Variants in AKAP8L observed in about 807,000 individuals in gnomAD.
The protein encoded by AKAP8L is A-kinase anchoring protein 8 like, also known as A-kinase anchor protein 8-like.
AKAP8L carries 34 observed loss-of-function variants against 77.5 expected under a neutral mutation model. The observed-to-expected ratio is 0.44, with a 90% CI of 0.33 to 0.58. The LOEUF is 0.58. Among genes scored for constraint, AKAP8L ranks in the 20% least tolerant of loss-of-function variants. The probability of loss-of-function intolerance (pLI) is 0.02; values close to 1 mark genes in which losing one functional copy is unlikely to be tolerated. For synonymous variants in AKAP8L, 342 were observed against 340.7 expected (o/e 1.00, Z -0.04); for missense variants, 806 against 887.6 (o/e 0.91, Z 1.17).
intron 8 of AKAP8L, 187 bp downstream of exon 8, chr19:15,400,108 G>A: frequency 1.6e-6 from 1 of 625,410 alleles, no homozygotes; most frequent in Non-Finnish European, 2.8e-6. Context: ...CGCCTGGGAA[G>A]GAGGAGGAAG....
chr19:15,415,296 C>T (rs543945268), intron 1 of AKAP8L, among the ~76,000 whole-genome samples: 1 of 152,142 alleles, frequency 6.6e-6, no homozygotes, highest in Non-Finnish European at 1.5e-5. Context: ...GGCATGGTGG[C>T]ATGCACATGT....
At position 15,380,176 on chromosome 19, in the gene AKAP8L, G is replaced by A. The variant is rs1360135351; in HGVS notation, c.1887C>T (p.Gly629=). 3 of 1,505,530 alleles carry A rather than the reference G, an allele frequency of 2.0e-6. No homozygotes were observed. Among genetic ancestry groups the A allele is most frequent in the African/African-American group, 2.9e-5 (2 of 68,932 alleles). The allele number at this position is 1,505,530 out of a possible 1,614,324, so 93.3% of individuals were successfully genotyped here. The part of the protein sequence containing the change: ...LGGALQRQIR[G]IPGLDVEDDE... ...CGTCCTCCACGTCGAGGCCCGGGATGCCGCGGATCTGGCGTTGCAGCGCCC... is the reference window on the plus strand; with the variant it reads ...CGTCCTCCACGTCGAGGCCCGGGATACCGCGGATCTGGCGTTGCAGCGCCC... The change falls in exon 14 of 14, where the codon GGC becomes GGT. Residue 629 remains glycine (G), a synonymous_variant. Transcript: ENST00000397410.
intron 12 of AKAP8L, among the ~76,000 whole-genome samples, chr19:15,394,906 T>C (rs1418777920): frequency 6.6e-6 from 1 of 152,054 alleles, no homozygotes; most frequent in Non-Finnish European, 1.5e-5. Flanking sequence ...CTTCTAAATA[T>C]CTTTCATCAT....
Position 15,397,407 on chromosome 19 carries a change from G to A in AKAP8L, c.1405+113C>T. The A allele has an allele frequency of 6.7e-7, 1 of 1,492,502 alleles. No individual in the cohort carries two copies. The highest frequency in any genetic ancestry group is 9.2e-7 in the Non-Finnish European group (1 of 1,087,796). The allele number at this position is 1,492,502 out of a possible 1,614,324, so 92.5% of individuals were successfully genotyped here. A position where few individuals can be genotyped will look rare whatever the true frequency, so the allele number is the denominator to read the frequency against. On this transcript the variant is annotated intron_variant, in intron 11 of 13. Transcript: ENST00000397410. The surrounding 1 kb of genome is among the most constrained non-coding windows in gnomAD (Gnocchi z 4.7). ...CACTTCCACCTGGGCCTGAGCCAAG[G>A]CTGGTCTCCTGACCTTCCCTGGGGG... is the stretch of plus-strand genomic sequence containing the variant.
chr19:15,418,775 GC>G (rs774264298), intron 1 of AKAP8L, 135 bp downstream of exon 1: 9 of 833,490 alleles, frequency 1.1e-5, no homozygotes, highest in Non-Finnish European at 1.1e-5. Context: ...GAGGCGACGG[GC>G]CAGCGGCGCC....
intron 12 of AKAP8L, among the ~76,000 whole-genome samples, chr19:15,392,935 C>CTA (rs1281754170): frequency 8.6e-6 from 1 of 116,598 alleles, no homozygotes; most frequent in African/African-American, 3.3e-5. Flanking sequence ...ACAAAGCTTA[C>CTA]ACCCTGAAAA....
intron 2 of AKAP8L, among the ~76,000 whole-genome samples, chr19:15,407,018 A>G (rs1968014523): frequency 6.6e-6 from 1 of 152,062 alleles, no homozygotes; most frequent in Non-Finnish European, 1.5e-5. Flanking sequence ...TCCTTTTGGG[A>G]AGTGGGGCAG....
intron 2 of AKAP8L, among the ~76,000 whole-genome samples, chr19:15,407,301 C>G (rs1361214014): frequency 6.6e-6 from 1 of 152,050 alleles, no homozygotes; most frequent in Non-Finnish European, 1.5e-5. Context: ...TTCTATCCAC[C>G]TATAAATTAT....
At chr19:15,385,088 C>T (rs1347413552) in intron 12 of AKAP8L, among the ~76,000 whole-genome samples, 1 of 152,168 alleles carries the variant, frequency 6.6e-6, no homozygotes, top group African/African-American at 2.4e-5. Flanking sequence ...CGCCATTCTC[C>T]TGCCTCAGCC....
At chr19:15,391,473 A>G (rs1967658829) in intron 12 of AKAP8L, among the ~76,000 whole-genome samples, 1 of 149,782 alleles carries the variant, frequency 6.7e-6, no homozygotes, top group African/African-American at 2.4e-5. Context: ...AAAAAAAAAA[A>G]AAAAAAAATC....
chr19:15,400,218 C>T, intron 8 of AKAP8L, 77 bp downstream of exon 8: 1 of 1,492,442 alleles, frequency 6.7e-7, no homozygotes. Flanking sequence ...TGCCGCAACC[C>T]TGCCCTCAGC....
At chr19:15,418,630 G>A (rs974837319) in intron 1 of AKAP8L, among the ~76,000 whole-genome samples, 5 of 152,250 alleles carry the variant, frequency 3.3e-5, no homozygotes, top group Non-Finnish European at 7.3e-5. Context: ...AGGTGGTGGG[G>A]GCGGAGACCT....
chr19:15,400,765 A>G (rs767200012), intron 7 of AKAP8L, 29 bp downstream of exon 7: 4 of 1,613,490 alleles, frequency 2.5e-6, no homozygotes, highest in Middle Eastern at 1.7e-4. Flanking sequence ...CTGCCTGCAG[A>G]CAGAAAATGC....
In AKAP8L at chr19:15,401,050, C is replaced by G; in HGVS notation, c.817-7G>C. The G allele has an allele frequency of 1.1e-5, 18 of 1,612,106 alleles. No homozygotes were observed. The highest frequency in any genetic ancestry group is 1.5e-5 in the Non-Finnish European group (18 of 1,179,878). Reference sequence around the variant, plus strand: ...TTCTCTTCTTCTTCTTGGTCTGGGTCATAAGGGGGGGAAGCCGTGTCAGGG... The same window carrying G: ...TTCTCTTCTTCTTCTTGGTCTGGGTGATAAGGGGGGGAAGCCGTGTCAGGG... On this transcript the variant is annotated splice_region_variant and splice_polypyrimidine_tract_variant and intron_variant, in intron 5 of 13. Coordinates refer to ENST00000397410, the MANE Select transcript of AKAP8L (RefSeq NM_014371.4). This position sits in a 1 kb window ranked among gnomAD's most constrained non-coding sequence, Gnocchi z 6.2.
intron 12 of AKAP8L, among the ~76,000 whole-genome samples, chr19:15,389,989 AT>A (rs199860832): frequency 6.0e-5 from 9 of 151,086 alleles, no homozygotes; most frequent in Non-Finnish European, 8.9e-5. Flanking sequence ...GTCTCTATTT[AT>A]TTTTTTTTAA....
chr19:15,386,816 G>A (rs1047796445), intron 12 of AKAP8L, among the ~76,000 whole-genome samples: 1 of 152,122 alleles, frequency 6.6e-6, no homozygotes, highest in Non-Finnish European at 1.5e-5. Context: ...CCGCCACCAA[G>A]CCCGGCTAAT....
chr19:15,385,918 CTTTTTTT>C (rs1220218326), intron 12 of AKAP8L, among the ~76,000 whole-genome samples: 1 of 99,692 alleles, frequency 1.0e-5, no homozygotes, highest in South Asian at 3.5e-4. Context: ...TCTTTTTTTT[CTTTTTTT>C]TTTTTTGAGG....
chr19:15,403,544 C>A lies in AKAP8L; in HGVS notation c.293G>T (p.Arg98Leu). The A allele has an allele frequency of 6.2e-7, 1 of 1,613,970 alleles. No homozygotes were observed. The highest frequency in any genetic ancestry group is 8.5e-7 in the Non-Finnish European group (1 of 1,179,888). Reference protein sequence around the residue: ...ADSVLSRINQRLDMVPHLETD... With the variant: ...ADSVLSRINQLLDMVPHLETD... ...CTCCAAATGCGGCACCATATCTAAG[C>A]GCTGGTTAATTCTGGATAAAACGGA... The change falls in exon 4 of 14, where the codon CGC becomes CTC. Residue 98 changes from arginine to leucine, a missense_variant. Coordinates refer to ENST00000397410, the MANE Select transcript of AKAP8L (RefSeq NM_014371.4). This position sits in a 1 kb window ranked among gnomAD's most constrained non-coding sequence, Gnocchi z 4.3.
At chr19:15,380,464 A>T (rs1399496100) in intron 13 of AKAP8L, 34 bp from the exon 14 acceptor site, 1 of 1,612,100 alleles carries the variant, frequency 6.2e-7, no homozygotes, top group Admixed American at 1.7e-5. Context: ...GAAGGGAGGG[A>T]GCACAGGCGG....
Sources: allele counts gnomAD v4.1 joint callset (sites outside exome capture counted in the v4.1 genomes callset), GRCh38; gene constraint gnomAD v4.1.1; non-coding constraint Gnocchi (gnomAD v3.1); transcripts MANE v1.5; gene names NCBI Gene and HGNC (gene_info 2026-07-23, HGNC 2026-07-21).